PLEKHA1: variants seen among roughly 807,000 people sequenced by gnomAD.
The protein encoded by PLEKHA1 is pleckstrin homology domain-containing family A member 1.
Under a neutral mutation model 52.0 loss-of-function variants are expected in PLEKHA1, and 34 were observed. The observed-to-expected ratio is 0.65, with a 90% CI of 0.50 to 0.87. PLEKHA1 has a LOEUF of 0.87. Ranked by LOEUF, PLEKHA1 falls within the 40% of genes least tolerant of loss-of-function variation. The pLI is 0.00. For synonymous variants in PLEKHA1, 163 were observed against 170.7 expected (o/e 0.95, Z 0.35); for missense variants, 497 against 504.2 (o/e 0.99, Z 0.14).
rs774369323 is a variant in PLEKHA1, at chr10:122,429,848, G to T, written c.1125G>T (p.Leu375=). The part of the protein sequence containing the change: ...EPASKVTEQA[L]LRPQSKNGPQ... ...CTTCCAAAGTGACTGAACAAGCTCT[G>T]TTAAGACCTCAAAGTAAAAATGGCC... The change falls in exon 12 of 12, where the codon CTG becomes CTT. Residue 375 remains leucine (L), a synonymous_variant. Coordinates refer to ENST00000368990, the MANE Select transcript of PLEKHA1 (RefSeq NM_001001974.4). The T allele has an allele frequency of 6.2e-7, 1 of 1,614,182 alleles. No individual in the cohort carries two copies. The highest frequency in any genetic ancestry group is 8.5e-7 in the Non-Finnish European group (1 of 1,180,034).
At chr10:122,419,375 A>G (rs1160982990) in intron 8 of PLEKHA1, 1 of 152,218 alleles carries the variant, frequency 6.6e-6, no homozygotes, top group Non-Finnish European at 1.5e-5. Context: ...CCATTTTAGT[A>G]TGGGGCTTTC....
chr10:122,433,115 A>ATTCAGCCGGGAATGACTTTGAAC (rs2097425907), downstream of PLEKHA1: 1 of 152,162 alleles, frequency 6.6e-6, no homozygotes, highest in South Asian at 2.1e-4. Flanking sequence ...GTTCTCTGAA[A>ATTCAGCCGGGAATGACTTTGAAC]TTCAGCCGGG....
chr10:122,429,476 T>C, intron 11 of PLEKHA1, 148 bp from the exon 12 acceptor site: 1 of 806,274 alleles, frequency 1.2e-6, no homozygotes, highest in Non-Finnish European at 1.9e-6. Context: ...TTATGCTGCA[T>C]GGCTTCTGCT....
At chr10:122,410,063 G>A (rs2097086083) in intron 5 of PLEKHA1, among the ~76,000 whole-genome samples, 1 of 152,134 alleles carries the variant, frequency 6.6e-6, no homozygotes, top group African/African-American at 2.4e-5. Flanking sequence ...GATTACAGGC[G>A]TGAGCCACCG....
intron 1 of PLEKHA1, among the ~76,000 whole-genome samples, chr10:122,383,668 ACTC>A (rs769808883): frequency 1.3e-5 from 2 of 151,356 alleles, no homozygotes; most frequent in Admixed American, 1.3e-4. Flanking sequence ...AATGAAAAGG[ACTC>A]CTCCTTTTTT....
At chr10:122,381,549 C>A (rs1341210533) in intron 1 of PLEKHA1, among the ~76,000 whole-genome samples, 1 of 152,146 alleles carries the variant, frequency 6.6e-6, no homozygotes, top group Non-Finnish European at 1.5e-5. Flanking sequence ...GAGGTAACTC[C>A]TCCCTCTTTG....
intron 1 of PLEKHA1, among the ~76,000 whole-genome samples, chr10:122,392,644 G>C (rs1445880279): frequency 6.6e-6 from 1 of 152,030 alleles, no homozygotes; most frequent in Non-Finnish European, 1.5e-5. Flanking sequence ...TTGGAATTTT[G>C]GAAAATCACT....
chr10:122,378,900 T>TG (rs1590186556), intron 1 of PLEKHA1, among the ~76,000 whole-genome samples: 2 of 152,252 alleles, frequency 1.3e-5, no homozygotes, highest in East Asian at 3.9e-4. Flanking sequence ...GGACGGCTTG[T>TG]GGTAAGCTCC....
chr10:122,430,073 G>A lies in PLEKHA1; in HGVS notation c.*135G>A. ...TGCCTCTTAGGTGTACTCTTTATAA[G>A]CTGGTAAACCAAGAATCTAGGGAGT... On this transcript the variant is annotated 3_prime_UTR_variant, in exon 12 of 12. Transcript: ENST00000368990. 1.0e-6 allele frequency: 1 copy of A among 998,354 alleles called. No homozygotes were observed. Among genetic ancestry groups the A allele is most frequent in the Non-Finnish European group, 1.4e-6 (1 of 713,492 alleles). The allele number at this position is 998,354 out of a possible 1,614,324, so 61.8% of individuals were successfully genotyped here.
chr10:122,383,533 G>A (rs1782657036), intron 1 of PLEKHA1, among the ~76,000 whole-genome samples: 1 of 148,998 alleles, frequency 6.7e-6, no homozygotes, highest in Non-Finnish European at 1.5e-5. Context: ...CATTTTGTAG[G>A]CTTGAATTGC....
rs186780568 is a variant in PLEKHA1, at chr10:122,376,691, A to G, written c.-21+1885A>G. Among the ~76,000 whole-genome samples, 26 of 152,268 alleles carry G rather than the reference A, an allele frequency of 1.7e-4. No individual in the cohort carries two copies. The Middle Eastern group carries it at 0.01, about 60-fold the overall frequency. Reference sequence around the variant, plus strand: ...TTTTAGCAGTGTAACAAAATAGGAAAGATGGTGTGTAAAATTGAGTTTGTC... The same window carrying G: ...TTTTAGCAGTGTAACAAAATAGGAAGGATGGTGTGTAAAATTGAGTTTGTC... On this transcript the variant is annotated intron_variant, in intron 1 of 11. Coordinates refer to ENST00000368990, the MANE Select transcript of PLEKHA1 (RefSeq NM_001001974.4).
intron 5 of PLEKHA1, 196 bp from the exon 6 acceptor site, chr10:122,412,724 G>A (rs752082682): frequency 2.7e-5 from 16 of 583,616 alleles, no homozygotes; most frequent in Admixed American, 9.1e-5. Context: ...CACTCATTAC[G>A]TGATAGCTAT....
chr10:122,404,237 A>AT (rs758248366), intron 4 of PLEKHA1, among the ~76,000 whole-genome samples: 62 of 150,572 alleles, frequency 4.1e-4, no homozygotes, highest in East Asian at 9.7e-4. Flanking sequence ...TTCCAGACTG[A>AT]TTTTTTTTTT....
intron 5 of PLEKHA1, 26 bp downstream of exon 5, chr10:122,406,699 A>G: frequency 1.4e-6 from 2 of 1,473,662 alleles, no homozygotes; most frequent in South Asian, 2.3e-5. Context: ...TTTTTGAAAA[A>G]CGTTCGATGT....
At chr10:122,415,405 T>C (rs1334363205) in intron 6 of PLEKHA1, among the ~76,000 whole-genome samples, 1 of 152,226 alleles carries the variant, frequency 6.6e-6, no homozygotes, top group African/African-American at 2.4e-5. Context: ...TAAAACTGCA[T>C]AGAACTGTAT....
chr10:122,383,473 C>T (rs1168008079), intron 1 of PLEKHA1, among the ~76,000 whole-genome samples: 2 of 136,994 alleles, frequency 1.5e-5, no homozygotes, highest in Non-Finnish European at 3.1e-5. Context: ...GCACACACCA[C>T]CATGCCTGGC....
chr10:122,424,220 A>T lies in PLEKHA1; in HGVS notation c.703A>T (p.Ile235Leu). The T allele has an allele frequency of 1.3e-6, 2 of 1,577,868 alleles. No individual in the cohort carries two copies. Among genetic ancestry groups the T allele is most frequent in the Admixed American group, 2.0e-5 (1 of 50,816 alleles). Reference sequence around the variant, plus strand: ...CCAGGAAAAGGAACCTCTTCGTGTAATACCACTTAAAGAGGTTCATAAAGT... The same window carrying T: ...CCAGGAAAAGGAACCTCTTCGTGTATTACCACTTAAAGAGGTTCATAAAGT... Reference protein sequence around the residue: ...SELEKEPLRVIPLKEVHKVQE... With the variant: ...SELEKEPLRVLPLKEVHKVQE... Residue 235 changes from isoleucine (I) to leucine (L), a missense_variant, in exon 9 of 12, where the codon ATA becomes TTA. Transcript: ENST00000368990.
intron 1 of PLEKHA1, among the ~76,000 whole-genome samples, chr10:122,392,533 A>G (rs962705808): frequency 2.6e-5 from 4 of 152,146 alleles, no homozygotes; most frequent in Non-Finnish European, 5.9e-5. Flanking sequence ...CTTTAGTTTT[A>G]ACAATTCAAG....
chr10:122,387,046 A>G (rs2096709762), intron 1 of PLEKHA1: 1 of 152,220 alleles, frequency 6.6e-6, no homozygotes, highest in Middle Eastern at 3.4e-3. Context: ...ACTTCCTAAT[A>G]TTGGTGATTT....
Sources: allele counts gnomAD v4.1 joint callset (sites outside exome capture counted in the v4.1 genomes callset), GRCh38; gene constraint gnomAD v4.1.1; transcripts MANE v1.5; gene names NCBI Gene and HGNC (gene_info 2026-07-23, HGNC 2026-07-21).